The following IKZF2 variants were observed in gnomAD, a reference collection of about 807,000 sequenced individuals.
IKZF2 encodes IKAROS family zinc finger 2, also known as zinc finger protein Helios.
Under a neutral mutation model 49.2 loss-of-function variants are expected in IKZF2, and 15 were observed. That is an observed-to-expected ratio of 0.30 (90% CI 0.20 to 0.47). The LOEUF (loss-of-function observed/expected upper bound fraction) is 0.47, where lower values mean the gene tolerates loss of function less well. Among genes scored for constraint, IKZF2 ranks in the 20% least tolerant of loss-of-function variants. The pLI, the probability that IKZF2 is intolerant of heterozygous loss-of-function variation, is 1.00. For synonymous variants in IKZF2, 227 were observed against 221.4 expected (o/e 1.03, Z -0.23); for missense variants, 567 against 664.6 (o/e 0.85, Z 1.61).
chr2:213,109,852 G>A (rs2059644416), intron 4 of IKZF2, among the ~76,000 whole-genome samples: 1 of 151,862 alleles, frequency 6.6e-6, no homozygotes, highest in East Asian at 1.9e-4. Flanking sequence ...AATGAACACT[G>A]GTCTTGATTT....
chr2:213,012,527 C>T (rs1696079331), intron 8 of IKZF2, among the ~76,000 whole-genome samples: 1 of 151,596 alleles, frequency 6.6e-6, no homozygotes, highest in Admixed American at 6.6e-5. Flanking sequence ...TAGTTACCCA[C>T]AAGAACAGAA....
intron 6 of IKZF2, among the ~76,000 whole-genome samples, chr2:213,031,999 G>A (rs1045748758): frequency 6.6e-6 from 1 of 152,084 alleles, no homozygotes; most frequent in African/African-American, 2.4e-5. Context: ...ATGAATTTAG[G>A]AAAAAGAGCT....
intron 4 of IKZF2, among the ~76,000 whole-genome samples, chr2:213,124,668 A>ACCTGAATAAGTATACAACTTATTT (rs1314008609): frequency 1.3e-5 from 2 of 152,236 alleles, no homozygotes; most frequent in African/African-American, 4.8e-5. Context: ...GTGAGTCTAA[A>ACCTGAATAAGTATACAACTTATTT]CCTGAATAAG....
intron 4 of IKZF2, among the ~76,000 whole-genome samples, chr2:213,122,652 G>A (rs1018776379): frequency 6.6e-6 from 1 of 152,216 alleles, no homozygotes; most frequent in Admixed American, 6.5e-5. Context: ...CAAATCTGCA[G>A]TGACATAATT....
In IKZF2 at chr2:213,006,754, A is replaced by G. The variant is rs1366429896; in HGVS notation, c.*606T>C. On this transcript the variant is annotated 3_prime_UTR_variant, in exon 9 of 9. Transcript: ENST00000434687. ...CTACCTGTAGTTTAAAAGTTTTGCT[A>G]TATGGTACAGTGTAAAACATACTGA... 6.6e-6 allele frequency: 1 copy of G among 152,654 alleles called. No individual in the cohort carries two copies. Among genetic ancestry groups the G allele is most frequent in the Non-Finnish European group, 1.5e-5 (1 of 68,096 alleles). 9.5% of individuals were successfully genotyped at this position (152,654 alleles called of 1,614,324 possible).
intron 7 of IKZF2, among the ~76,000 whole-genome samples, chr2:213,020,042 C>A (rs1216505880): frequency 6.6e-6 from 1 of 151,926 alleles, no homozygotes; most frequent in Non-Finnish European, 1.5e-5. Flanking sequence ...ACTAGGAATG[C>A]AAAAATAATA....
At chr2:213,087,526 G>A (rs569807487) in intron 4 of IKZF2, among the ~76,000 whole-genome samples, 1 of 152,146 alleles carries the variant, frequency 6.6e-6, no homozygotes, top group East Asian at 1.9e-4. Flanking sequence ...TTAAGTTCTA[G>A]GGTACATGTG....
intron 4 of IKZF2, among the ~76,000 whole-genome samples, chr2:213,113,346 G>T (rs909166121): frequency 6.6e-6 from 1 of 152,074 alleles, no homozygotes; most frequent in East Asian, 1.9e-4. Context: ...ACAGTATTTA[G>T]GAGTTTAAAC....
At chr2:213,088,221 C>T (rs1246948027) in intron 4 of IKZF2, among the ~76,000 whole-genome samples, 1 of 152,146 alleles carries the variant, frequency 6.6e-6, no homozygotes, top group East Asian at 1.9e-4. Flanking sequence ...GATGGTATCT[C>T]ATTGTGGTTT....
At chr2:213,011,406 A>G (rs1440597781) in intron 8 of IKZF2, among the ~76,000 whole-genome samples, 1 of 152,024 alleles carries the variant, frequency 6.6e-6, no homozygotes, top group African/African-American at 2.4e-5. Context: ...AGCGTGAGGT[A>G]TCTGGGGGGC....
intron 4 of IKZF2, among the ~76,000 whole-genome samples, chr2:213,107,880 A>C (rs2059584180): frequency 6.6e-6 from 1 of 152,202 alleles, no homozygotes; most frequent in Non-Finnish European, 1.5e-5. Context: ...CTGTGTTCTA[A>C]CTGTGTAGGT....
At chr2:213,131,776 G>C (rs953610332) in intron 4 of IKZF2, among the ~76,000 whole-genome samples, 2 of 152,108 alleles carry the variant, frequency 1.3e-5, no homozygotes, top group Non-Finnish European at 2.9e-5. Flanking sequence ...TTGGTCTCTG[G>C]TATCCTCAAC....
chr2:213,045,837 T>A (rs998863960), intron 6 of IKZF2, among the ~76,000 whole-genome samples: 1 of 152,210 alleles, frequency 6.6e-6, no homozygotes, highest in Admixed American at 6.6e-5. Context: ...TATTTGGGTA[T>A]ACTTCTGTGG....
chr2:213,021,336 A>G (rs1310304793), intron 7 of IKZF2: 1 of 152,682 alleles, frequency 6.5e-6, no homozygotes, highest in African/African-American at 2.4e-5. Context: ...CTAATTAGTA[A>G]GACAAGATAG....
At chr2:213,085,106 T>A (rs1023446373) in intron 4 of IKZF2, among the ~76,000 whole-genome samples, 1 of 152,204 alleles carries the variant, frequency 6.6e-6, no homozygotes, top group African/African-American at 2.4e-5. Flanking sequence ...AAAAAATATT[T>A]ACAGAATCAA....
chr2:213,063,024 T>C lies in IKZF2; in HGVS notation c.140-5925A>G, dbSNP rs140234362. The stretch of plus-strand genomic sequence containing the variant: ...TCATTTTTTAATATCCTCAGCAAAA[T>C]TTCATGCAATGTATTTGTTCCTTTT... On this transcript the variant is annotated intron_variant, in intron 4 of 8. Coordinates refer to ENST00000434687, the MANE Select transcript of IKZF2 (RefSeq NM_001387220.1). 2.6e-5 allele frequency among the ~76,000 whole-genome samples: 4 copies of C among 152,104 alleles called. No individual in the cohort carries two copies. In the East Asian group the frequency reaches 7.7e-4, roughly 29 times the overall value.
chr2:213,108,452 C>T (rs2059603016), intron 4 of IKZF2, among the ~76,000 whole-genome samples: 1 of 152,080 alleles, frequency 6.6e-6, no homozygotes, highest in Non-Finnish European at 1.5e-5. Context: ...TCACTGTGCC[C>T]CACAGTTTGA....
intron 4 of IKZF2, among the ~76,000 whole-genome samples, chr2:213,142,270 T>A (rs556311551): frequency 6.6e-6 from 1 of 152,094 alleles, no homozygotes; most frequent in East Asian, 1.9e-4. Flanking sequence ...TATTTCTTTC[T>A]TAACCAAAAT....
chr2:213,086,637 A>G (rs1704639628), intron 4 of IKZF2, among the ~76,000 whole-genome samples: 2 of 152,166 alleles, frequency 1.3e-5, no homozygotes, highest in Admixed American at 6.6e-5. Context: ...CAACGACTAC[A>G]GGGACTAGGA....
Sources: gnomAD v4.1 joint callset for allele counts (sites outside exome capture counted in the v4.1 genomes callset) on GRCh38, gnomAD v4.1.1 for gene constraint, MANE v1.5 for transcripts, NCBI Gene and HGNC (gene_info 2026-07-23, HGNC 2026-07-21) for gene names.